GLI3: variants seen among roughly 807,000 people sequenced by gnomAD.
GLI3 encodes GLI family zinc finger 3, also known as transcription activator GLI3.
Under a neutral mutation model 100.8 loss-of-function variants are expected in GLI3, and 20 were observed. The ratio of observed to expected loss-of-function variants is 0.20; its 90% CI spans 0.14 to 0.29. GLI3 has a LOEUF of 0.29. Ranked by LOEUF, GLI3 falls within the 10% of genes least tolerant of loss-of-function variation. The pLI is 1.00. For synonymous variants in GLI3, 938 were observed against 860.5 expected (o/e 1.09, Z -1.58); for missense variants, 2,040 against 2,128.5 (o/e 0.96, Z 0.82).
chr7:42,205,471 G>A (rs542142230), intron 2 of GLI3, among the ~76,000 whole-genome samples: 1 of 152,270 alleles, frequency 6.6e-6, no homozygotes, highest in East Asian at 1.9e-4. Flanking sequence ...ACAGATTTCA[G>A]AAGAAAAAGT....
chr7:42,172,651 T>G, intron 2 of GLI3: 1 of 702,890 alleles, frequency 1.4e-6, no homozygotes, highest in South Asian at 1.5e-5. Context: ...CCAATCCTCC[T>G]GGTCCAGCCT....
At chr7:42,202,228 T>C (rs1788054466) in intron 2 of GLI3, among the ~76,000 whole-genome samples, 1 of 151,776 alleles carries the variant, frequency 6.6e-6, no homozygotes, top group South Asian at 2.1e-4. Context: ...TAAATGAAAA[T>C]TATAATGGGA....
At chr7:41,977,948 T>A (rs1787553883) in intron 11 of GLI3, 1 of 581,700 alleles carries the variant, frequency 1.7e-6, no homozygotes, top group Admixed American at 3.0e-5. Context: ...GAAGTTTTTT[T>A]TTTTAATAGA....
At chr7:42,040,752 A>G (rs1478009478) in intron 6 of GLI3, among the ~76,000 whole-genome samples, 1 of 152,214 alleles carries the variant, frequency 6.6e-6, no homozygotes, top group African/African-American at 2.4e-5. Flanking sequence ...TACCTGCTCT[A>G]TGGTATACTT....
At chr7:42,096,235 G>A (rs1354785106) in intron 3 of GLI3, among the ~76,000 whole-genome samples, 1 of 152,178 alleles carries the variant, frequency 6.6e-6, no homozygotes, top group African/African-American at 2.4e-5. Context: ...GAAGGCACTG[G>A]AGCCACCGAA....
Position 41,966,087 on chromosome 7 carries a change from C to T in GLI3, c.2986G>A (p.Asp996Asn), listed in dbSNP as rs748566565. 1.3e-5 allele frequency: 21 copies of T among 1,568,890 alleles called. No individual in the cohort carries two copies. Among genetic ancestry groups the T allele is most frequent in the Non-Finnish European group, 1.8e-5 (21 of 1,163,592 alleles). The change falls in exon 15 of 15, where the codon GAT becomes AAT. Residue 996 changes from aspartate to asparagine, a missense_variant. By Grantham distance (23) the Asp-to-Asn change is conservative (BLOSUM62 1). Around this residue, in one of 5 missense-constraint regions of GLI3, gnomAD observed 1,041 missense variants for 924.0 expected, o/e 1.13. Coordinates refer to ENST00000395925, the MANE Select transcript of GLI3 (RefSeq NM_000168.6). This position sits in a 1 kb window ranked among gnomAD's most constrained non-coding sequence, Gnocchi z 5.8. The part of the protein sequence containing the change: ...GYGRRHLQPH[D>N]APGHGVRRAS... The stretch of plus-strand genomic sequence containing the variant: ...CTCCTCACGCCGTGGCCCGGCGCAT[C>T]GTGCGGCTGCAGGTGGCGCCGCCCG...
intron 4 of GLI3, among the ~76,000 whole-genome samples, chr7:42,075,309 C>T (rs546155702): frequency 1.3e-5 from 2 of 152,252 alleles, no homozygotes; most frequent in South Asian, 4.2e-4. Context: ...AAATTAAGTA[C>T]ATCACAAAGG....
intron 2 of GLI3, among the ~76,000 whole-genome samples, chr7:42,170,287 T>TATATATATATATATATACACACACACAC (rs1452471645): frequency 8.1e-6 from 1 of 124,004 alleles, no homozygotes; most frequent in African/African-American, 3.1e-5. Flanking sequence ...TATATATATA[T>TATATATATATATATATACACACACACAC]ACACACACAT....
chr7:42,059,252 T>G (rs1784520518), intron 4 of GLI3, among the ~76,000 whole-genome samples: 1 of 152,064 alleles, frequency 6.6e-6, no homozygotes, highest in African/African-American at 2.4e-5. Flanking sequence ...CAGACTTTTT[T>G]GTCCTCCAAA....
intron 10 of GLI3, among the ~76,000 whole-genome samples, chr7:41,991,538 C>T (rs773950715): frequency 6.6e-5 from 10 of 152,120 alleles, no homozygotes; most frequent in Non-Finnish European, 1.2e-4. Context: ...ATGTTCTATA[C>T]CTAGATTGTA....
chr7:42,257,559 T>C (rs1789098057), intron 1 of GLI3, among the ~76,000 whole-genome samples: 1 of 152,092 alleles, frequency 6.6e-6, no homozygotes, highest in Non-Finnish European at 1.5e-5. Flanking sequence ...TTAGCCAGGA[T>C]GGTCTCCATC....
intron 10 of GLI3, among the ~76,000 whole-genome samples, chr7:41,997,022 T>C (rs537529010): frequency 1.3e-5 from 2 of 152,232 alleles, no homozygotes; most frequent in Non-Finnish European, 2.9e-5. Context: ...TTGGGATTTT[T>C]ATTTCTTCAT....
chr7:42,195,205 T>C (rs930161245), intron 2 of GLI3, among the ~76,000 whole-genome samples: 7 of 152,220 alleles, frequency 4.6e-5, no homozygotes, highest in African/African-American at 1.7e-4. Flanking sequence ...ACATACACTG[T>C]AGCTTGAGTC....
intron 2 of GLI3, among the ~76,000 whole-genome samples, chr7:42,156,094 C>T (rs1786996993): frequency 6.6e-6 from 1 of 152,196 alleles, no homozygotes; most frequent in Admixed American, 6.5e-5. Flanking sequence ...AGGGTACTAA[C>T]CATCTTTCAA....
intron 3 of GLI3, among the ~76,000 whole-genome samples, chr7:42,088,331 G>A (rs1190579817): frequency 2.0e-5 from 3 of 152,216 alleles, no homozygotes; most frequent in Non-Finnish European, 4.4e-5. Context: ...ACAGCTGCCT[G>A]CAGGCTGGTT....
intron 3 of GLI3, among the ~76,000 whole-genome samples, chr7:42,112,328 G>T (rs2128766992): frequency 6.6e-6 from 1 of 152,154 alleles, no homozygotes; most frequent in African/African-American, 2.4e-5. Flanking sequence ...GCTTTATTTG[G>T]TTATATGACC....
intron 13 of GLI3, among the ~76,000 whole-genome samples, chr7:41,971,296 C>T (rs1040866555): frequency 4.6e-5 from 7 of 152,296 alleles, no homozygotes; most frequent in South Asian, 2.1e-4. Flanking sequence ...TCCGTGCATC[C>T]GGCAGTCTGA....
intron 11 of GLI3, 86 bp from the exon 12 acceptor site, chr7:41,977,808 T>C: frequency 8.0e-7 from 1 of 1,249,808 alleles, no homozygotes. Context: ...GATGAAAAAC[T>C]GATGTTTCAA....
intron 10 of GLI3, among the ~76,000 whole-genome samples, chr7:41,990,072 T>C (rs560832489): frequency 1.3e-5 from 2 of 151,412 alleles, no homozygotes; most frequent in East Asian, 3.9e-4. Context: ...TATAATAATA[T>C]TTATAATAGT....
Sources: gnomAD v4.1 joint callset for allele counts (sites outside exome capture counted in the v4.1 genomes callset) on GRCh38, gnomAD v4.1.1 for gene constraint, gnomAD v4.1.1 regional missense constraint, Gnocchi (gnomAD v3.1) non-coding constraint, MANE v1.5 for transcripts, NCBI Gene and HGNC (gene_info 2026-07-23, HGNC 2026-07-21) for gene names.